The following PABPC4L variants were observed in gnomAD, a reference collection of about 807,000 sequenced individuals.
PABPC4L encodes polyadenylate-binding protein 4-like.
For synonymous variants in PABPC4L, 169 were observed against 164.1 expected (o/e 1.03, Z -0.23); for missense variants, 452 against 451.4 (o/e 1.00, Z -0.01).
the PABPC4L span, among the ~76,000 whole-genome samples, chr4:134,060,689 T>G: frequency 3.3e-5 from 5 of 151,458 alleles, no homozygotes; most frequent in Non-Finnish European, 5.9e-5. Context: ...TAAATAACCA[T>G]CAGCAATATC....
chr4:134,098,855 G>T, the PABPC4L span, among the ~76,000 whole-genome samples: 2 of 151,622 alleles, frequency 1.3e-5, no homozygotes, highest in African/African-American at 4.8e-5. Flanking sequence ...TGAAGATTTT[G>T]TTTCGAGAAG....
At chr4:134,149,321 G>C in the PABPC4L span, among the ~76,000 whole-genome samples, 240 of 152,274 alleles carry the variant, frequency 1.6e-3, 1 homozygote, top group Middle Eastern at 0.037. Context: ...CTGTAAAAAA[G>C]ATGGGAGAAC....
At chr4:133,972,360 T>C in the PABPC4L span, among the ~76,000 whole-genome samples, 1 of 152,158 alleles carries the variant, frequency 6.6e-6, no homozygotes, top group Admixed American at 6.6e-5. Context: ...TTTCTGACAA[T>C]GAAATTATTT....
chr4:134,099,627 G>A, the PABPC4L span, among the ~76,000 whole-genome samples: 1 of 151,612 alleles, frequency 6.6e-6, no homozygotes, highest in Non-Finnish European at 1.5e-5. Flanking sequence ...ATTACAAAAT[G>A]GGGATTTCAA....
At chr4:134,175,694 C>A in the PABPC4L span, among the ~76,000 whole-genome samples, 74 of 152,220 alleles carry the variant, frequency 4.9e-4, no homozygotes, top group African/African-American at 1.7e-3. Context: ...TGTGATTCAC[C>A]CGCCTTGGCT....
At chr4:134,153,192 T>G in the PABPC4L span, among the ~76,000 whole-genome samples, 1 of 152,058 alleles carries the variant, frequency 6.6e-6, no homozygotes, top group Non-Finnish European at 1.5e-5. Flanking sequence ...CTTGTCTCTA[T>G]TTTTTTAGTA....
the PABPC4L span, among the ~76,000 whole-genome samples, chr4:134,106,400 A>G: frequency 5.3e-5 from 8 of 151,580 alleles, no homozygotes; most frequent in African/African-American, 1.9e-4. Flanking sequence ...AAAAGGAAAA[A>G]GTGAAGAAAA....
the PABPC4L span, among the ~76,000 whole-genome samples, chr4:134,143,762 GATAA>G: frequency 6.6e-6 from 1 of 151,262 alleles, no homozygotes; most frequent in South Asian, 2.1e-4. Context: ...TAATAATTAT[GATAA>G]ATAAATGAAA....
At chr4:134,075,537 G>A in the PABPC4L span, among the ~76,000 whole-genome samples, 4 of 151,948 alleles carry the variant, frequency 2.6e-5, no homozygotes, top group Non-Finnish European at 4.4e-5. Flanking sequence ...TATTCTAATA[G>A]CATCCGAAGT....
At position 134,200,648 on chromosome 4, in the gene PABPC4L, G is replaced by A. The variant is rs1289315224; in HGVS notation, c.372C>T (p.Ile124=). The change falls in exon 2 of 2, where the codon ATC becomes ATT. Residue 124 remains isoleucine, a synonymous_variant. Coordinates refer to ENST00000421491, the MANE Select transcript of PABPC4L (RefSeq NM_001114734.2). ...LYEHFSAFGK[I]LSSKVMSDDQ... ...CATCACTCATCACCTTGGAGGAAAG[G>A]ATCTTTCCAAAAGCTGAAAAATGTT... is the stretch of plus-strand genomic sequence containing the variant. The A allele has an allele frequency of 1.3e-6, 2 of 1,551,622 alleles. No individual in the cohort carries two copies.
chr4:134,173,779 C>A, the PABPC4L span, among the ~76,000 whole-genome samples: 1 of 152,018 alleles, frequency 6.6e-6, no homozygotes, highest in Non-Finnish European at 1.5e-5. Context: ...TTACCCTGAT[C>A]TGAACATTAC....
At chr4:134,117,589 A>G in the PABPC4L span, among the ~76,000 whole-genome samples, 9 of 151,772 alleles carry the variant, frequency 5.9e-5, no homozygotes, top group South Asian at 2.1e-4. Flanking sequence ...GGTTTGAACT[A>G]TTAAAATTGG....
At chr4:134,057,423 G>A in the PABPC4L span, among the ~76,000 whole-genome samples, 78 of 152,060 alleles carry the variant, frequency 5.1e-4, no homozygotes, top group Non-Finnish European at 9.4e-4. Context: ...GATGAAAGTC[G>A]GACTGTTCAC....
chr4:133,999,455 T>C, the PABPC4L span, among the ~76,000 whole-genome samples: 1 of 152,112 alleles, frequency 6.6e-6, no homozygotes, highest in African/African-American at 2.4e-5. Flanking sequence ...TTTGGTCTTG[T>C]TGGTTTTATA....
At chr4:134,039,739 G>T in the PABPC4L span, among the ~76,000 whole-genome samples, 3 of 151,980 alleles carry the variant, frequency 2.0e-5, no homozygotes, top group African/African-American at 7.3e-5. Context: ...TGGGTCTCCT[G>T]AATGCAGCAC....
At chr4:133,974,230 C>T in the PABPC4L span, among the ~76,000 whole-genome samples, 1 of 152,086 alleles carries the variant, frequency 6.6e-6, no homozygotes, top group East Asian at 1.9e-4. Context: ...TGATTTTCAA[C>T]AACGGTACCA....
chr4:134,015,705 T>G, the PABPC4L span, among the ~76,000 whole-genome samples: 1 of 152,160 alleles, frequency 6.6e-6, no homozygotes, highest in African/African-American at 2.4e-5. Context: ...TTCCTAGGCA[T>G]GGTTAGTGTG....
chr4:134,068,415 T>C, the PABPC4L span, among the ~76,000 whole-genome samples: 1 of 152,172 alleles, frequency 6.6e-6, no homozygotes, highest in Non-Finnish European at 1.5e-5. Flanking sequence ...GTTGGTGTCG[T>C]TGCATGGGAA....
the PABPC4L span, among the ~76,000 whole-genome samples, chr4:133,998,679 C>T: frequency 1.3e-5 from 2 of 151,564 alleles, no homozygotes; most frequent in Admixed American, 1.3e-4. Flanking sequence ...AATTCAAATA[C>T]AATACTCAAA....
Sources: allele counts gnomAD v4.1 joint callset (sites outside exome capture counted in the v4.1 genomes callset), GRCh38; gene constraint gnomAD v4.1.1; transcripts MANE v1.5; gene names NCBI Gene and HGNC (gene_info 2026-07-23, HGNC 2026-07-21).